UTP4: variants seen among roughly 807,000 people sequenced by gnomAD.
UTP4 encodes UTP4 small subunit processome component, also known as U3 small nucleolar RNA-associated protein 4 homolog.
Under a neutral mutation model 82.4 loss-of-function variants are expected in UTP4, and 45 were observed. That is an observed-to-expected ratio of 0.55 (90% CI 0.43 to 0.70). The LOEUF (loss-of-function observed/expected upper bound fraction) is 0.70. Among genes scored for constraint, UTP4 ranks in the 30% least tolerant of loss-of-function variants. The pLI, the probability that UTP4 is intolerant of heterozygous loss-of-function variation, is 0.00. For missense variants in UTP4, 819 were observed against 858.3 expected, an observed-to-expected ratio of 0.95 and a Z score of 0.57; for synonymous variants, 348 against 300.3, an observed-to-expected ratio of 1.16 and a Z score of -1.64.
chr16:69,143,453 C>A, intron 6 of UTP4, 64 bp downstream of exon 6: 1 of 1,428,066 alleles, frequency 7.0e-7, no homozygotes, highest in Non-Finnish European at 9.9e-7. Context: ...GAGAAAGCAG[C>A]CTTAGTGACG....
Position 69,138,777 on chromosome 16 carries a change from T to C in UTP4, c.436+892T>C, listed in dbSNP as rs181366195. On this transcript the variant is annotated intron_variant, in intron 4 of 16. Transcript: ENST00000314423. ...CAGCCATAGACGATACTGAAACTAA[T>C]GGGCAGGCTGTGCTCCAGTAAAAAC... Among the ~76,000 whole-genome samples, 190 of 152,294 alleles carry C rather than the reference T, an allele frequency of 1.2e-3. 2 individuals are homozygous for C. Among genetic ancestry groups the C allele is most frequent in the Middle Eastern group, 6.8e-3 (2 of 294 alleles).
chr16:69,154,701 T>G (rs2152281465), intron 10 of UTP4, among the ~76,000 whole-genome samples: 1 of 149,690 alleles, frequency 6.7e-6, no homozygotes, highest in Non-Finnish European at 1.5e-5. Flanking sequence ...GAAAATAATG[T>G]GCTTTTATTT....
intron 2 of UTP4, among the ~76,000 whole-genome samples, chr16:69,134,253 A>G (rs773033889): frequency 4.4e-4 from 67 of 152,150 alleles, no homozygotes; most frequent in Non-Finnish European, 7.8e-4. Flanking sequence ...GTGCTGTGAT[A>G]TAAATGAGTA....
intron 2 of UTP4, among the ~76,000 whole-genome samples, chr16:69,135,367 C>G (rs969772167): frequency 2.0e-5 from 3 of 152,080 alleles, no homozygotes; most frequent in South Asian, 2.1e-4. Flanking sequence ...CTACTAGATA[C>G]GATTGCTTAG....
intron 6 of UTP4, 21 bp downstream of exon 6, chr16:69,143,410 G>A (rs765135620): frequency 8.1e-6 from 13 of 1,609,148 alleles, no homozygotes; most frequent in Middle Eastern, 3.3e-4. Context: ...TCCCTGTTTA[G>A]AGTGGTTGAT....
intron 12 of UTP4, among the ~76,000 whole-genome samples, chr16:69,159,824 CTAAAA>C (rs1269510834): frequency 6.6e-6 from 1 of 152,048 alleles, no homozygotes; most frequent in Non-Finnish European, 1.5e-5. Context: ...CCCATCTCTA[CTAAAA>C]ATACAAAAAT....
rs751741576 is a variant in UTP4, at chr16:69,133,470, T to A, written c.11T>A (p.Phe4Tyr). 6.2e-7 allele frequency: 1 copy of A among 1,614,176 alleles called. No homozygotes were observed. The highest frequency in any genetic ancestry group is 1.1e-5 in the South Asian group (1 of 91,080). Residue 4 changes from phenylalanine (F) to tyrosine (Y), a missense_variant, in exon 2 of 17, where the codon TTT (phenylalanine) becomes TAT (tyrosine). Coordinates refer to ENST00000314423, the MANE Select transcript of UTP4 (RefSeq NM_032830.3). ...TTTCGCCCCCTAGGAATGGGTGAAT[T>A]TAAGGTCCATCGAGTACGTTTCTTT... MGE[F>Y]KVHRVRFFNY...
At chr16:69,136,670 G>T (rs763879267) in intron 2 of UTP4, 26 bp from the exon 3 acceptor site, 2 of 1,613,146 alleles carry the variant, frequency 1.2e-6, no homozygotes, top group Non-Finnish European at 1.7e-6. Context: ...TTGTGGTAAT[G>T]TTGAGAAGTT....
At position 69,150,800 on chromosome 16, in the gene UTP4, C is replaced by A; in HGVS notation, c.911-13C>A. 6.2e-7 allele frequency: 1 copy of A among 1,613,682 alleles called. No individual in the cohort carries two copies. Among genetic ancestry groups the A allele is most frequent in the Non-Finnish European group, 8.5e-7 (1 of 1,179,562 alleles). On this transcript the variant is annotated splice_polypyrimidine_tract_variant and intron_variant, in intron 7 of 16. Coordinates refer to ENST00000314423, the MANE Select transcript of UTP4 (RefSeq NM_032830.3). ...ACTTCTAATTCTGTACACCTTCTCC[C>A]CTGCTTTCCCAGGCACTGACACCCA...
intron 15 of UTP4, chr16:69,166,767 C>T (rs1963712673): frequency 2.8e-6 from 1 of 361,412 alleles, no homozygotes; most frequent in Non-Finnish European, 5.1e-6. Context: ...GCAGAAGGGC[C>T]CTTTGATCTT....
chr16:69,157,032 G>A (rs370848794), intron 11 of UTP4, 52 bp from the exon 12 acceptor site: 10 of 1,590,546 alleles, frequency 6.3e-6, no homozygotes, highest in Non-Finnish European at 8.6e-6. Flanking sequence ...TGTTTCTGAT[G>A]GGCTGTAGGT....
At chr16:69,167,638 C>CAA (rs144026751) in intron 16 of UTP4, 33 of 131,488 alleles carry the variant, frequency 2.5e-4, no homozygotes, top group East Asian at 4.5e-4. Context: ...TCACTATTAA[C>CAA]AAAAAAAAAA....
intron 8 of UTP4, among the ~76,000 whole-genome samples, chr16:69,152,134 G>C (rs1685501231): frequency 6.6e-6 from 1 of 151,528 alleles, no homozygotes; most frequent in African/African-American, 2.4e-5. Context: ...CTTGAATCGA[G>C]TCATTCATTT....
intron 2 of UTP4, among the ~76,000 whole-genome samples, chr16:69,134,020 T>C (rs1184848450): frequency 6.6e-6 from 1 of 152,164 alleles, no homozygotes; most frequent in Non-Finnish European, 1.5e-5. Flanking sequence ...TCAGAAACTT[T>C]TTGGTGATGT....
chr16:69,160,315 C>A, intron 12 of UTP4, 41 bp from the exon 13 acceptor site: 1 of 1,501,968 alleles, frequency 6.7e-7, no homozygotes, highest in South Asian at 1.1e-5. Flanking sequence ...TGGCTGTGGA[C>A]ACTGTGTGAA....
chr16:69,146,844 A>G (rs977461151), intron 6 of UTP4, among the ~76,000 whole-genome samples: 5 of 151,402 alleles, frequency 3.3e-5, no homozygotes, highest in African/African-American at 1.2e-4. Context: ...AAAAAAAAAA[A>G]TACAAAAAAT....
At position 69,160,478 on chromosome 16, in the gene UTP4, C is replaced by T; in HGVS notation, c.1551+16C>T. The T allele has an allele frequency of 1.9e-6, 3 of 1,588,938 alleles. No homozygotes were observed. The highest frequency in any genetic ancestry group is 1.7e-4 in the Middle Eastern group (1 of 5,994). Reference sequence around the variant, plus strand: ...ACAGCTAAAGGTGAGCATAGGGTTTCATGGCAGCAGTTTGAATCATTGTAC... The same window carrying T: ...ACAGCTAAAGGTGAGCATAGGGTTTTATGGCAGCAGTTTGAATCATTGTAC... On this transcript the variant is annotated intron_variant, in intron 13 of 16. Transcript: ENST00000314423.
Position 69,165,385 on chromosome 16 carries a change from C to G in UTP4, c.1692C>G (p.Ser564Arg). The change falls in exon 15 of 17, where the codon AGC becomes AGG. Residue 564 changes from serine (S) to arginine (R), a missense_variant. Transcript: ENST00000314423. ...CAGACAAACAGTATACAGATTGGAG[C>G]CGGACTGTCCAGAAGCAGGGCTTTC... Reference protein sequence around the residue: ...SIPDKQYTDWSRTVQKQGFHH... With the variant: ...SIPDKQYTDWRRTVQKQGFHH... 1 of 1,614,064 alleles carries G rather than the reference C, an allele frequency of 6.2e-7. No homozygotes were observed. Among genetic ancestry groups the G allele is most frequent in the Non-Finnish European group, 8.5e-7 (1 of 1,179,998 alleles).
chr16:69,163,206 C>T (rs759017855), intron 14 of UTP4, 28 bp downstream of exon 14: 19 of 1,550,158 alleles, frequency 1.2e-5, no homozygotes, highest in South Asian at 1.2e-4. Context: ...GCTTTCTATT[C>T]CCTTCCTGCT....
Sources: gnomAD v4.1 joint callset for allele counts (sites outside exome capture counted in the v4.1 genomes callset) on GRCh38, gnomAD v4.1.1 for gene constraint, MANE v1.5 for transcripts, NCBI Gene and HGNC (gene_info 2026-07-23, HGNC 2026-07-21) for gene names.